The following EPS8 variants were observed in gnomAD, a reference collection of about 807,000 sequenced individuals.
The protein encoded by EPS8 is epidermal growth factor receptor kinase substrate 8.
Under a neutral mutation model 103.8 loss-of-function variants are expected in EPS8, and 42 were observed. That is an observed-to-expected ratio of 0.40 (90% CI 0.32 to 0.52). EPS8 has a LOEUF of 0.52. Among genes scored for constraint, EPS8 ranks in the 20% least tolerant of loss-of-function variants. The pLI is 0.40. For synonymous variants in EPS8, 344 were observed against 344.6 expected (o/e 1.00, Z 0.02); for missense variants, 969 against 1,005.1 (o/e 0.96, Z 0.49).
chr12:15,698,475 C>T lies in EPS8; in HGVS notation c.-21-15503G>A, dbSNP rs2135932084. ...TAAACAGACATCTCTCTCCTCCAGC[C>T]TCTCCATCTTGACCTCTCTTATTGC... On this transcript the variant is annotated intron_variant, in intron 1 of 20. Coordinates refer to ENST00000281172, the MANE Select transcript of EPS8 (RefSeq NM_004447.6). The surrounding 1 kb of genome is among the most constrained non-coding windows in gnomAD (Gnocchi z 4.9). Among the ~76,000 whole-genome samples, 1 of 152,178 alleles carries T rather than the reference C, an allele frequency of 6.6e-6. No homozygotes were observed. Among genetic ancestry groups the T allele is most frequent in the Non-Finnish European group, 1.5e-5 (1 of 68,014 alleles).
intron 15 of EPS8, among the ~76,000 whole-genome samples, chr12:15,645,536 A>G (rs546696521): frequency 2.6e-5 from 4 of 152,330 alleles, no homozygotes; most frequent in Admixed American, 2.6e-4. Flanking sequence ...CAGAAGGGGT[A>G]CAAAGATATA....
chr12:15,692,319 G>GTTTTTTT (rs56016545), intron 1 of EPS8, among the ~76,000 whole-genome samples: 4 of 120,320 alleles, frequency 3.3e-5, no homozygotes, highest in African/African-American at 9.9e-5. Context: ...AAGAGGTTTG[G>GTTTTTTT]TTTTTTTTTT....
At position 15,725,409 on chromosome 12, in the gene EPS8, G is replaced by A. The variant is rs1946641699; in HGVS notation, c.-21-42437C>T. The stretch of plus-strand genomic sequence containing the variant: ...ATCACTTGAGCAGAAGAATTGAACA[G>A]GAATTCAAATCCAGCCTGGGCAATA... On this transcript the variant is annotated intron_variant, in intron 1 of 20. Coordinates refer to ENST00000281172, the MANE Select transcript of EPS8 (RefSeq NM_004447.6). The surrounding 1 kb of genome is among the most constrained non-coding windows in gnomAD (Gnocchi z 4.5). Among the ~76,000 whole-genome samples the A allele has an allele frequency of 6.7e-6, 1 of 149,002 alleles. No homozygotes were observed. Among genetic ancestry groups the A allele is most frequent in the South Asian group, 2.1e-4 (1 of 4,742 alleles).
intron 1 of EPS8, among the ~76,000 whole-genome samples, chr12:15,730,900 T>A (rs1946708465): frequency 6.6e-6 from 1 of 151,772 alleles, no homozygotes; most frequent in Non-Finnish European, 1.5e-5. Flanking sequence ...AAAAAAGAGA[T>A]ACAAATGGCA....
intron 3 of EPS8, among the ~76,000 whole-genome samples, chr12:15,680,048 A>C (rs1235960057): frequency 1.3e-5 from 2 of 152,226 alleles, no homozygotes; most frequent in Non-Finnish European, 2.9e-5. Context: ...TCTACAATTC[A>C]TAACTATTAG....
rs1354504856 is a variant in EPS8 at position 15,735,835 on chromosome 12, T to A, written c.-21-52863A>T. On this transcript the variant is annotated intron_variant, in intron 1 of 20. Coordinates refer to ENST00000281172, the MANE Select transcript of EPS8 (RefSeq NM_004447.6). This position sits in a 1 kb window ranked among gnomAD's most constrained non-coding sequence, Gnocchi z 4.4. The stretch of plus-strand genomic sequence containing the variant: ...AACAATCCATAATTGGCAATATTTT[T>A]AAAAACTTATATAGAAAAAAATGCC... Among the ~76,000 whole-genome samples, 1 of 152,202 alleles carries A rather than the reference T, an allele frequency of 6.6e-6. No homozygotes were observed. The highest frequency in any genetic ancestry group is 1.5e-5 in the Non-Finnish European group (1 of 68,038).
At chr12:15,623,133 A>T (rs904110375) in intron 20 of EPS8, 25 bp downstream of exon 20, 12 of 1,579,456 alleles carry the variant, frequency 7.6e-6, no homozygotes, top group Non-Finnish European at 1.0e-5. Flanking sequence ...GCAGAAAAAC[A>T]CCACCTTAGG....
chr12:15,645,408 T>C (rs1945303169), intron 15 of EPS8, among the ~76,000 whole-genome samples: 3 of 38,626 alleles, frequency 7.8e-5, no homozygotes, highest in African/African-American at 9.9e-5. Context: ...TTTATAAAAA[T>C]TCTCATCTTC....
At position 15,749,065 on chromosome 12, in the gene EPS8, T is replaced by C. The variant is rs546284731; in HGVS notation, c.-22+40096A>G. 6.6e-6 allele frequency among the ~76,000 whole-genome samples: 1 copy of C among 152,298 alleles called. No individual in the cohort carries two copies. Among genetic ancestry groups the C allele is most frequent in the African/African-American group, 2.4e-5 (1 of 41,584 alleles). Reference sequence around the variant, plus strand: ...CTATTTTTGTCAAGATCCATCCTAGTGTTCTTTTGGAAGAGCTAAATGTAA... The same window carrying C: ...CTATTTTTGTCAAGATCCATCCTAGCGTTCTTTTGGAAGAGCTAAATGTAA... On this transcript the variant is annotated intron_variant, in intron 1 of 20. Coordinates refer to ENST00000281172, the MANE Select transcript of EPS8 (RefSeq NM_004447.6). The surrounding 1 kb of genome is among the most constrained non-coding windows in gnomAD (Gnocchi z 4.0).
chr12:15,623,009 T>C (rs912525214), intron 20 of EPS8, 149 bp downstream of exon 20: 9 of 695,928 alleles, frequency 1.3e-5, no homozygotes, highest in Admixed American at 3.2e-5. Context: ...GAAACTGTCA[T>C]TGATGATCTC....
rs1947225316 is a variant in EPS8 at position 15,778,106 on chromosome 12, T to G, written c.-22+11055A>C. 6.6e-6 allele frequency among the ~76,000 whole-genome samples: 1 copy of G among 152,198 alleles called. No individual in the cohort carries two copies. The highest frequency in any genetic ancestry group is 6.5e-5 in the Admixed American group (1 of 15,280). On this transcript the variant is annotated intron_variant, in intron 1 of 20. Coordinates refer to ENST00000281172, the MANE Select transcript of EPS8 (RefSeq NM_004447.6). This position sits in a 1 kb window ranked among gnomAD's most constrained non-coding sequence, Gnocchi z 4.5. ...TTCCTAAATTTAAAGGAAGTTATAA[T>G]TTTTCCAATTTTTCTTACATATTAT... is the stretch of plus-strand genomic sequence containing the variant.
At position 15,660,696 on chromosome 12, in the gene EPS8, T is replaced by G. The variant is rs71532817; in HGVS notation, c.855A>C (p.Thr285=). Residue 285 remains threonine, a synonymous_variant, in exon 10 of 21, where the codon ACA becomes ACC. Coordinates refer to ENST00000281172, the MANE Select transcript of EPS8 (RefSeq NM_004447.6). Reference sequence around the variant, plus strand: ...ATGCTTCTGCTGCTTTTTGGAGTTTTGTGATAAAAAATTCAATGTCATCCA... The same window carrying G: ...ATGCTTCTGCTGCTTTTTGGAGTTTGGTGATAAAAAATTCAATGTCATCCA... ...HILDDIEFFI[T]KLQKAAEAFS... is the part of the protein sequence containing the mutation. 402 of 1,611,894 alleles carry G rather than the reference T, an allele frequency of 2.5e-4. No individual in the cohort carries two copies. In the Middle Eastern group the frequency reaches 4.6e-3, roughly 19 times the overall value.
chr12:15,637,708 A>G (rs1396054074), intron 17 of EPS8, among the ~76,000 whole-genome samples: 1 of 152,186 alleles, frequency 6.6e-6, no homozygotes, highest in African/African-American at 2.4e-5. Flanking sequence ...GTTTCTTTAT[A>G]TTTCTTCAAA....
At chr12:15,644,684 CAA>C (rs1435549727) in intron 15 of EPS8, among the ~76,000 whole-genome samples, 1 of 127,700 alleles carries the variant, frequency 7.8e-6, no homozygotes, top group Non-Finnish European at 1.6e-5. Context: ...GGCGACAGAG[CAA>C]GACTCTGTCT....
In EPS8 at chr12:15,781,426, G is replaced by A. The variant is rs115231151; in HGVS notation, c.-22+7735C>T. On this transcript the variant is annotated intron_variant, in intron 1 of 20. Transcript: ENST00000281172. This position sits in a 1 kb window ranked among gnomAD's most constrained non-coding sequence, Gnocchi z 4.1. ...CAGGTCAGGGTTCTCATCCCAATTC[G>A]GTCCCTTTCTCCCCATGTGTGACAC... Among the ~76,000 whole-genome samples the A allele has an allele frequency of 0.023, 3,563 of 152,158 alleles. 141 individuals are homozygous for A. Among genetic ancestry groups the A allele is most frequent in the African/African-American group, 0.081 (3,369 of 41,494 alleles).
rs1946785542 is a variant in EPS8, at chr12:15,738,184, T to C, written c.-22+50977A>G. ...TATCTAACTATTATTCTAATTAATA[T>C]CACTTTTATTCTAACTAATATTAGA... On this transcript the variant is annotated intron_variant, in intron 1 of 20. Transcript: ENST00000281172. The surrounding 1 kb of genome is among the most constrained non-coding windows in gnomAD (Gnocchi z 6.2). Among the ~76,000 whole-genome samples the C allele has an allele frequency of 6.6e-6, 1 of 152,174 alleles. No individual in the cohort carries two copies.
rs1442026146 is a variant in EPS8, at chr12:15,682,876, T to C, written c.59+17A>G. ...AAATTCCCCCAAAACATATTAAATA[T>C]AAACTTTTCAACTTACTTCATCTGA... On this transcript the variant is annotated intron_variant, in intron 2 of 20. Transcript: ENST00000281172. The C allele has an allele frequency of 7.6e-7, 1 of 1,321,992 alleles. No individual in the cohort carries two copies. Among genetic ancestry groups the C allele is most frequent in the East Asian group, 2.3e-5 (1 of 42,850 alleles). 81.9% of individuals were successfully genotyped at this position (1,321,992 alleles called of 1,614,324 possible). A position where few individuals can be genotyped will look rare whatever the true frequency, so the allele number is the denominator to read the frequency against.
intron 17 of EPS8, among the ~76,000 whole-genome samples, chr12:15,633,833 C>A (rs1324514823): frequency 6.6e-6 from 1 of 152,140 alleles, no homozygotes; most frequent in African/African-American, 2.4e-5. Flanking sequence ...CTAGACAGCT[C>A]TTCCATGGAA....
chr12:15,664,022 T>C (rs556572444), intron 8 of EPS8, among the ~76,000 whole-genome samples: 1 of 144,440 alleles, frequency 6.9e-6, no homozygotes, highest in East Asian at 2.0e-4. Context: ...ATACATAATA[T>C]ATATTATATA....
Sources: allele counts gnomAD v4.1 joint callset (sites outside exome capture counted in the v4.1 genomes callset), GRCh38; gene constraint gnomAD v4.1.1; non-coding constraint Gnocchi (gnomAD v3.1); transcripts MANE v1.5; gene names NCBI Gene and HGNC (gene_info 2026-07-23, HGNC 2026-07-21).